The following AKAP12 variants were observed in gnomAD, a reference collection of about 807,000 sequenced individuals.
AKAP12 encodes A-kinase anchor protein 12.
In AKAP12, 32 loss-of-function variants were observed where a neutral mutation model predicts 79.9. That is an observed-to-expected ratio of 0.40 (90% CI 0.30 to 0.54). The LOEUF (loss-of-function observed/expected upper bound fraction) is 0.54. Ranked by LOEUF, AKAP12 falls within the 20% of genes least tolerant of loss-of-function variation. The pLI is 0.48. For synonymous variants in AKAP12, 808 were observed against 857.0 expected (o/e 0.94, Z 1.00); for missense variants, 2,074 against 2,177.0 (o/e 0.95, Z 0.94).
rs186202070 is a variant in AKAP12 at position 151,354,619 on chromosome 6, G to A, written c.*12+867G>A. ...GATCTCCTGACCTCGTGATCCGCCC[G>A]CCTTGGCCTCCCAAAGTGCTGGGAT... is the stretch of plus-strand genomic sequence containing the variant. On this transcript the variant is annotated intron_variant, in intron 4 of 4. Transcript: ENST00000402676. Among the ~76,000 whole-genome samples, 1,484 of 152,200 alleles carry A rather than the reference G, an allele frequency of 9.8e-3. 13 individuals are homozygous for A. Among genetic ancestry groups the A allele is most frequent in the Middle Eastern group, 0.017 (5 of 294 alleles).
Position 151,351,640 on chromosome 6 carries a change from G to A in AKAP12, c.3249G>A (p.Ala1083=), listed in dbSNP as rs370853115. The A allele has an allele frequency of 2.5e-5, 41 of 1,614,040 alleles. No individual in the cohort carries two copies. The highest frequency in any genetic ancestry group is 1.6e-4 in the Middle Eastern group (1 of 6,084). Residue 1083 remains alanine, a synonymous_variant, in exon 4 of 5, where the codon GCG becomes GCA. Coordinates refer to ENST00000402676, the MANE Select transcript of AKAP12 (RefSeq NM_005100.4). This position sits in a 1 kb window ranked among gnomAD's most constrained non-coding sequence, Gnocchi z 4.4. The stretch of plus-strand genomic sequence containing the variant: ...AAAGACCAGAAGAGCAGGCTGAAGC[G>A]TCGGGTCTGAAGAAAGAGACGGATG... The part of the protein sequence containing the change: ...EAERPEEQAE[A]SGLKKETDVV...
At chr6:151,247,109 A>AT (rs974036696) in intron 2 of AKAP12, among the ~76,000 whole-genome samples, 55 of 150,430 alleles carry the variant, frequency 3.7e-4, no homozygotes, top group Admixed American at 7.3e-4. Context: ...ATTTTTAAAG[A>AT]TTTTTTTTTC....
chr6:151,260,589 C>T (rs1797407296), intron 2 of AKAP12, among the ~76,000 whole-genome samples: 2 of 152,206 alleles, frequency 1.3e-5, no homozygotes, highest in Non-Finnish European at 1.5e-5. Context: ...CAGACCCTGT[C>T]CTCACTTCTC....
intron 3 of AKAP12, among the ~76,000 whole-genome samples, chr6:151,335,654 A>C (rs543072650): frequency 5.9e-5 from 9 of 152,226 alleles, no homozygotes; most frequent in African/African-American, 1.9e-4. Flanking sequence ...TATTTTTAGT[A>C]GAGACGGGGT....
At chr6:151,341,134 C>G (rs574411037) in intron 3 of AKAP12, among the ~76,000 whole-genome samples, 2 of 151,526 alleles carry the variant, frequency 1.3e-5, no homozygotes, top group Non-Finnish European at 2.9e-5. Flanking sequence ...TCACTGCAAC[C>G]TCCGCCTCCC....
intron 2 of AKAP12, among the ~76,000 whole-genome samples, chr6:151,249,784 A>G (rs779358345): frequency 2.0e-5 from 3 of 152,220 alleles, no homozygotes; most frequent in Non-Finnish European, 2.9e-5. Context: ...TATTTGTGCA[A>G]TAAACTGAAA....
intron 3 of AKAP12, among the ~76,000 whole-genome samples, chr6:151,332,760 GC>G (rs145484828): frequency 0.014 from 2,138 of 152,266 alleles, 44 homozygotes; most frequent in African/African-American, 0.048. Context: ...GTGAATTCGG[GC>G]TCCAGAGGCT....
At chr6:151,248,295 G>T (rs1165124601) in intron 2 of AKAP12, among the ~76,000 whole-genome samples, 5 of 149,312 alleles carry the variant, frequency 3.3e-5, no homozygotes, top group Admixed American at 2.7e-4. Context: ...GAGAGACAGG[G>T]TCTCACTGTG....
chr6:151,353,122 G>C lies in AKAP12; in HGVS notation c.4731G>C (p.Gln1577His), dbSNP rs201891818. The C allele has an allele frequency of 1.4e-4, 229 of 1,614,098 alleles. No homozygotes were observed. The highest frequency in any genetic ancestry group is 1.8e-4 in the Non-Finnish European group (213 of 1,180,054). The change falls in exon 4 of 5, where the codon CAG (glutamine) becomes CAC (histidine). Residue 1577 changes from glutamine (Q) to histidine (H), a missense_variant. Gln to His is a conservative substitution (Grantham distance 24). This residue lies in a region of AKAP12 where 614 missense variants were observed against 665.6 expected (regional missense o/e 0.92). Transcript: ENST00000402676. ...CCGAAATGTTGACGTCTGAGTTACA[G>C]ACACAAGCTCACGTGATAAAAGCTG... ...TATEMLTSEL[Q>H]TQAHVIKADS... is the part of the protein sequence containing the mutation.
At position 151,350,287 on chromosome 6, in the gene AKAP12, A is replaced by T. The variant is rs779925223; in HGVS notation, c.1896A>T (p.Glu632Asp). Residue 632 changes from glutamate to aspartate, a missense_variant, in exon 4 of 5, where the codon GAA becomes GAT. By Grantham distance (45) the Glu-to-Asp change is conservative. Around this residue, in one of 3 missense-constraint regions of AKAP12, gnomAD observed 1,428 missense variants for 1,451.0 expected, o/e 0.98. Coordinates refer to ENST00000402676, the MANE Select transcript of AKAP12 (RefSeq NM_005100.4). The surrounding 1 kb of genome is among the most constrained non-coding windows in gnomAD (Gnocchi z 4.8). ...GACGGCCTTCGGAAAGTGATAAAGAAGATGAGCTGGACAAGGTCAAGAGCG... is the reference window on the plus strand; with the variant it reads ...GACGGCCTTCGGAAAGTGATAAAGATGATGAGCTGGACAAGGTCAAGAGCG... ...RVRRPSESDK[E>D]DELDKVKSAT... 6.2e-6 allele frequency: 10 copies of T among 1,613,970 alleles called. No individual in the cohort carries two copies. The South Asian group carries it at 9.9e-5, about 16-fold the overall frequency.
chr6:151,348,681 C>CGGGGGGGGG, intron 3 of AKAP12, 30 bp from the exon 4 acceptor site: 1 of 218,350 alleles, frequency 4.6e-6, no homozygotes, highest in Non-Finnish European at 9.1e-6. Flanking sequence ...TTTCTCTTCT[C>CGGGGGGGGG]CCCACCCCCC....
At position 151,240,624 on chromosome 6, in the gene AKAP12, C is replaced by G. The variant is rs1175862341; in HGVS notation, c.62C>G (p.Thr21Arg). Residue 21 changes from threonine (T) to arginine (R), a missense_variant, in exon 2 of 5, where the codon ACG (threonine) becomes AGG (arginine). Around this residue, in one of 3 missense-constraint regions of AKAP12, gnomAD observed 1,428 missense variants for 1,451.0 expected, o/e 0.98. Coordinates refer to ENST00000402676, the MANE Select transcript of AKAP12 (RefSeq NM_005100.4). ...GAGCAGCCGCCCGAGGGGAGCTCCA[C>G]GCCGGCTGAGCCCGAGCCCAGCGGC... ...SPEQPPEGSS[T>R]PAEPEPSGGG... is the part of the protein sequence containing the mutation. 5 of 1,389,084 alleles carry G rather than the reference C, an allele frequency of 3.6e-6. No individual in the cohort carries two copies. In the African/African-American group the frequency reaches 6.0e-5, roughly 17 times the overall value. 86.0% of individuals were successfully genotyped at this position (1,389,084 alleles called of 1,614,324 possible).
chr6:151,268,465 T>G (rs1484488960), intron 2 of AKAP12, among the ~76,000 whole-genome samples: 1 of 152,128 alleles, frequency 6.6e-6, no homozygotes, highest in Non-Finnish European at 1.5e-5. Flanking sequence ...CTCAAATATA[T>G]GTATTTAAGG....
rs10680283 is a variant in AKAP12, at chr6:151,285,384, CTG to C, written c.163-20329_163-20328del. On this transcript the variant is annotated intron_variant, in intron 2 of 4. Transcript: ENST00000402676. ...GTACACATCAGAGAGCTGCATTTCA[CTG>C]TGTGTGTGTGTGTGTGTGTGTGTGT... Among the ~76,000 whole-genome samples the C allele has an allele frequency of 5.3e-3, 719 of 136,542 alleles. 5 individuals carry two copies. The highest frequency in any genetic ancestry group is 0.012 in the African/African-American group (470 of 37,758). The allele number at this position is 136,542 out of a possible 152,430, so 89.6% of individuals were successfully genotyped here.
At chr6:151,322,234 G>A (rs576595973) in intron 3 of AKAP12, among the ~76,000 whole-genome samples, 1 of 151,920 alleles carries the variant, frequency 6.6e-6, no homozygotes, top group East Asian at 1.9e-4. Context: ...TTTTATTATA[G>A]TCATCCTAGT....
intron 3 of AKAP12, among the ~76,000 whole-genome samples, chr6:151,332,031 C>CTTTTTTTTTTT (rs1777685813): frequency 1.4e-5 from 1 of 72,792 alleles, no homozygotes; most frequent in African/African-American, 5.6e-5. Context: ...AGTTCTGGGT[C>CTTTTTTTTTTT]TGTTTTTTTT....
In AKAP12 at chr6:151,349,195, A is replaced by G. The variant is rs1778203582; in HGVS notation, c.804A>G (p.Glu268=). The G allele has an allele frequency of 1.3e-6, 2 of 1,587,898 alleles. No homozygotes were observed. The highest frequency in any genetic ancestry group is 1.8e-5 in the African/African-American group (1 of 54,174). Residue 268 remains glutamate (E), a synonymous_variant, in exon 4 of 5, where the codon GAA becomes GAG. Transcript: ENST00000402676. ...SGQAVEECKE[E]GEEKQEKEPS... is the part of the protein sequence containing the mutation. ...AAGCAGTGGAGGAATGCAAAGAGGA[A>G]GGAGAAGAGAAACAAGAAAAAGAAC... is the stretch of plus-strand genomic sequence containing the variant.
At chr6:151,311,819 A>G (rs914660979) in intron 3 of AKAP12, among the ~76,000 whole-genome samples, 4 of 152,088 alleles carry the variant, frequency 2.6e-5, no homozygotes, top group Non-Finnish European at 5.9e-5. Flanking sequence ...CTCCCTAAAG[A>G]TCTTGTTACC....
At chr6:151,242,955 C>A (rs566194853) in intron 2 of AKAP12, among the ~76,000 whole-genome samples, 1 of 152,284 alleles carries the variant, frequency 6.6e-6, no homozygotes, top group East Asian at 1.9e-4. Flanking sequence ...GATTTTACTA[C>A]AATTTAACCC....
Sources: allele counts gnomAD v4.1 joint callset (sites outside exome capture counted in the v4.1 genomes callset), GRCh38; gene constraint gnomAD v4.1.1; regional missense constraint gnomAD v4.1.1; non-coding constraint Gnocchi (gnomAD v3.1); transcripts MANE v1.5; gene names NCBI Gene and HGNC (gene_info 2026-07-23, HGNC 2026-07-21).